The following CRCP variants were observed in gnomAD, a reference collection of about 807,000 sequenced individuals.
The protein encoded by CRCP is DNA-directed RNA polymerase III subunit RPC9.
CRCP carries 18 observed loss-of-function variants against 18.5 expected under a neutral mutation model. The observed-to-expected ratio is 0.97, with a 90% CI of 0.67 to 1.44. The LOEUF (loss-of-function observed/expected upper bound fraction) is 1.44, where lower values mean the gene tolerates loss of function less well. Ranked by LOEUF, CRCP falls within the 40% of genes most tolerant of loss-of-function variation. CRCP has a pLI of 0.00. For synonymous variants in CRCP, 53 were observed against 62.9 expected, an observed-to-expected ratio of 0.84 and a Z score of 0.75; for missense variants, 130 against 176.4, an observed-to-expected ratio of 0.74 and a Z score of 1.49.
At chr7:66,120,019 A>G (rs146361885) in intron 1 of CRCP, among the ~76,000 whole-genome samples, 81 of 152,042 alleles carry the variant, frequency 5.3e-4, no homozygotes, top group African/African-American at 1.8e-3. Context: ...CTTCTCTACT[A>G]AAAATAGAAA....
chr7:66,148,828 C>G (rs1302596287), intron 5 of CRCP, among the ~76,000 whole-genome samples: 1 of 152,236 alleles, frequency 6.6e-6, no homozygotes, highest in East Asian at 1.9e-4. Context: ...TTGTAAAACA[C>G]TGTTACATGT....
chr7:66,118,536 A>C (rs1168550260), intron 1 of CRCP, among the ~76,000 whole-genome samples: 1 of 152,258 alleles, frequency 6.6e-6, no homozygotes, highest in Non-Finnish European at 1.5e-5. Context: ...ATACTTTATT[A>C]GCTTCATAAA....
At chr7:66,147,379 A>G (rs1404803493) in intron 5 of CRCP, among the ~76,000 whole-genome samples, 1 of 149,930 alleles carries the variant, frequency 6.7e-6, no homozygotes, top group Non-Finnish European at 1.5e-5. Flanking sequence ...TGTGCCAGAC[A>G]CGGTCTCAGT....
chr7:66,124,512 C>T (rs143019767), intron 1 of CRCP, among the ~76,000 whole-genome samples: 3,007 of 148,434 alleles, frequency 0.02, 37 homozygotes, highest in Non-Finnish European at 0.033. Context: ...CCCTCCCTCC[C>T]TTCCTTCCTT....
Position 66,124,152 on chromosome 7 carries a change from G to A in CRCP, c.9-3552G>A, listed in dbSNP as rs1360890300. Reference sequence around the variant, plus strand: ...CGAGGCGGGCGGATCACGAGGTCAGGAGATCGAGACCATCCTGGCTAACAC... The same window carrying A: ...CGAGGCGGGCGGATCACGAGGTCAGAAGATCGAGACCATCCTGGCTAACAC... On this transcript the variant is annotated intron_variant, in intron 1 of 5. Transcript: ENST00000395326. Among the ~76,000 whole-genome samples the A allele has an allele frequency of 3.4e-5, 5 of 147,712 alleles. No individual in the cohort carries two copies. The South Asian group carries it at 8.7e-4, about 26-fold the overall frequency.
intron 5 of CRCP, among the ~76,000 whole-genome samples, chr7:66,151,667 T>TTCTCTCTC (rs141979300): frequency 4.6e-5 from 3 of 65,098 alleles, no homozygotes; most frequent in Non-Finnish European, 9.1e-5. Flanking sequence ...TGTTCACCAC[T>TTCTCTCTC]TCTCTCTGTG....
chr7:66,143,765 T>G (rs959626822), intron 4 of CRCP, among the ~76,000 whole-genome samples: 13 of 152,334 alleles, frequency 8.5e-5, no homozygotes, highest in Admixed American at 8.5e-4. Flanking sequence ...GCTTTGCAAC[T>G]GTAGACAAGT....
At chr7:66,141,498 G>A (rs949227263) in intron 4 of CRCP, among the ~76,000 whole-genome samples, 2 of 152,250 alleles carry the variant, frequency 1.3e-5, no homozygotes, top group South Asian at 2.1e-4. Flanking sequence ...GGGTGAGGAC[G>A]TCAGTAGGAG....
chr7:66,131,070 G>A (rs181062953), intron 3 of CRCP, among the ~76,000 whole-genome samples: 2 of 152,260 alleles, frequency 1.3e-5, no homozygotes, highest in East Asian at 1.9e-4. Context: ...CACCTCCCAG[G>A]TTCATGCCAT....
chr7:66,146,133 C>T (rs1788286282), intron 5 of CRCP, among the ~76,000 whole-genome samples: 2 of 152,194 alleles, frequency 1.3e-5, no homozygotes, highest in African/African-American at 2.4e-5. Context: ...CTCCCTGGCT[C>T]CCCAAGTCCA....
intron 2 of CRCP, chr7:66,129,985 A>AT (rs1357372578): frequency 8.3e-6 from 2 of 240,472 alleles, no homozygotes; most frequent in South Asian, 3.9e-5. Context: ...GATCCATAGC[A>AT]TTTTTTCCTT....
chr7:66,153,173 C>T lies in CRCP; in HGVS notation c.*816C>T, dbSNP rs1478209762. On this transcript the variant is annotated 3_prime_UTR_variant, in exon 6 of 6. Transcript: ENST00000395326. ...ACACAATTAGCCTGGCACGGTGACT[C>T]ATGCTTGTAATCCCAGCACTTTGGG... is the stretch of plus-strand genomic sequence containing the variant. 3 of 152,810 alleles carry T rather than the reference C, an allele frequency of 2.0e-5. No individual in the cohort carries two copies. The highest frequency in any genetic ancestry group is 4.4e-5 in the Non-Finnish European group (3 of 68,070). 9.5% of individuals were successfully genotyped at this position (152,810 alleles called of 1,614,324 possible).
Position 66,152,199 on chromosome 7 carries a change from C to T in CRCP, c.298-9C>T, listed in dbSNP as rs1554335169. 3.7e-6 allele frequency: 6 copies of T among 1,613,958 alleles called. No individual in the cohort carries two copies. The highest frequency in any genetic ancestry group is 4.2e-6 in the Non-Finnish European group (5 of 1,179,970). On this transcript the variant is annotated splice_polypyrimidine_tract_variant and intron_variant, in intron 5 of 5. Transcript: ENST00000395326. Reference sequence around the variant, plus strand: ...TTGTAACCCTGGAGGATTTTCTTTCCTTCTGCAGATGGTGGAAGAGAGTGA... The same window carrying T: ...TTGTAACCCTGGAGGATTTTCTTTCTTTCTGCAGATGGTGGAAGAGAGTGA...
intron 1 of CRCP, chr7:66,126,691 C>T (rs1291492161): frequency 2.4e-6 from 1 of 414,210 alleles, no homozygotes; most frequent in East Asian, 7.8e-5. Flanking sequence ...AATTTGTTGT[C>T]TCATTTTATC....
At chr7:66,119,117 C>T (rs933622322) in intron 1 of CRCP, among the ~76,000 whole-genome samples, 1 of 152,172 alleles carries the variant, frequency 6.6e-6, no homozygotes, top group African/African-American at 2.4e-5. Flanking sequence ...ATGGGCCTTG[C>T]TGGGTGTCTG....
At chr7:66,122,316 G>A (rs1459718267) in intron 1 of CRCP, among the ~76,000 whole-genome samples, 1 of 149,892 alleles carries the variant, frequency 6.7e-6, no homozygotes, top group Non-Finnish European at 1.5e-5. Context: ...CGGAGTTTGC[G>A]GTGAGCTGAG....
chr7:66,131,771 CTT>C (rs890802726), intron 3 of CRCP, among the ~76,000 whole-genome samples: 5 of 144,398 alleles, frequency 3.5e-5, no homozygotes, highest in Non-Finnish European at 3.1e-5. Flanking sequence ...AATCATTTTT[CTT>C]TTTTTTTTTT....
chr7:66,140,465 A>G (rs1788102776), intron 4 of CRCP, among the ~76,000 whole-genome samples: 1 of 150,336 alleles, frequency 6.7e-6, no homozygotes, highest in Non-Finnish European at 1.5e-5. Context: ...GCACAGTCTC[A>G]GCTCACTGCA....
In CRCP at chr7:66,121,034, C is replaced by CATAATA. The variant is rs10607378; in HGVS notation, c.8+6092_8+6097dup. 3.2e-3 allele frequency among the ~76,000 whole-genome samples: 458 copies of CATAATA among 145,388 alleles called. 2 individuals carry two copies. Among genetic ancestry groups the CATAATA allele is most frequent in the South Asian group, 0.018 (82 of 4,546 alleles). On this transcript the variant is annotated intron_variant, in intron 1 of 5. Coordinates refer to ENST00000395326, the MANE Select transcript of CRCP (RefSeq NM_014478.5). The stretch of plus-strand genomic sequence containing the variant: ...GGAAATACCTACTAAGTAACTAATA[C>CATAATA]ATAATAATAATAATAATAATAATAA...
Sources: allele counts gnomAD v4.1 joint callset (sites outside exome capture counted in the v4.1 genomes callset), GRCh38; gene constraint gnomAD v4.1.1; transcripts MANE v1.5; gene names NCBI Gene and HGNC (gene_info 2026-07-23, HGNC 2026-07-21).